The following CLSTN2 variants were observed in gnomAD, a reference collection of about 807,000 sequenced individuals.
The protein encoded by CLSTN2 is calsyntenin 2.
A neutral mutation model predicts 101.2 loss-of-function variants in CLSTN2; 48 were observed. The observed-to-expected ratio is 0.47, with a 90% CI of 0.38 to 0.60. CLSTN2 has a LOEUF of 0.60. CLSTN2 is among the 20% of genes least tolerant of loss of function. CLSTN2 has a pLI of 0.00. For missense variants in CLSTN2, 1,160 were observed against 1,238.2 expected (o/e 0.94, Z 0.95); for synonymous variants, 481 against 463.6 (o/e 1.04, Z -0.48).
At position 140,276,210 on chromosome 3, in the gene CLSTN2, T is replaced by C. The variant is rs557861537; in HGVS notation, c.232+100137T>C. Among the ~76,000 whole-genome samples the C allele has an allele frequency of 7.8e-4, 119 of 152,326 alleles. 2 individuals are homozygous for C. Among genetic ancestry groups the C allele is most frequent in the Admixed American group, 2.2e-3 (34 of 15,310 alleles). ...TGTGAAAGGTAGAGGCTGTTGCTAG[T>C]GTCTGGAGAACCAGCCAACTGACAA... On this transcript the variant is annotated intron_variant, in intron 2 of 16. Coordinates refer to ENST00000458420, the MANE Select transcript of CLSTN2 (RefSeq NM_022131.3).
chr3:140,368,472 A>G (rs1175070735), intron 2 of CLSTN2, among the ~76,000 whole-genome samples: 1 of 152,156 alleles, frequency 6.6e-6, no homozygotes, highest in African/African-American at 2.4e-5. Flanking sequence ...AAATGGCCCC[A>G]TCATCACAGC....
chr3:139,962,233 T>C (rs1006114405), intron 1 of CLSTN2, among the ~76,000 whole-genome samples: 4 of 152,202 alleles, frequency 2.6e-5, no homozygotes, highest in African/African-American at 9.6e-5. Flanking sequence ...TGTATTCCTA[T>C]TTATATTGTT....
intron 1 of CLSTN2, among the ~76,000 whole-genome samples, chr3:139,992,088 T>A (rs937656371): frequency 1.3e-5 from 2 of 152,110 alleles, no homozygotes; most frequent in African/African-American, 4.8e-5. Flanking sequence ...ACTAGAGGAA[T>A]GGAAATCGAC....
At chr3:140,559,429 TTTAAG>T (rs1576626950) in intron 12 of CLSTN2, among the ~76,000 whole-genome samples, 1 of 152,276 alleles carries the variant, frequency 6.6e-6, no homozygotes, top group Admixed American at 6.5e-5. Flanking sequence ...TCAGGAAACT[TTTAAG>T]TTGTTATTTC....
intron 1 of CLSTN2, among the ~76,000 whole-genome samples, chr3:140,050,798 G>A (rs924060386): frequency 3.9e-5 from 6 of 152,194 alleles, no homozygotes; most frequent in Admixed American, 3.9e-4. Context: ...GGCAAGATGG[G>A]AAAATAGCAA....
At chr3:140,554,806 G>A (rs533698619) in intron 10 of CLSTN2, among the ~76,000 whole-genome samples, 3 of 152,046 alleles carry the variant, frequency 2.0e-5, no homozygotes, top group African/African-American at 7.2e-5. Context: ...TACTAAAAAA[G>A]AATAAGGAAG....
intron 1 of CLSTN2, among the ~76,000 whole-genome samples, chr3:140,113,566 A>T (rs968626214): frequency 6.6e-6 from 1 of 152,204 alleles, no homozygotes; most frequent in African/African-American, 2.4e-5. Flanking sequence ...AACACCATTT[A>T]CAACAGTGAG....
At chr3:140,498,356 G>C (rs1280474613) in intron 8 of CLSTN2, among the ~76,000 whole-genome samples, 1 of 152,170 alleles carries the variant, frequency 6.6e-6, no homozygotes, top group Non-Finnish European at 1.5e-5. Flanking sequence ...CCCTAATGGA[G>C]TGAGGTGCTG....
chr3:140,095,002 A>G (rs528253149), intron 1 of CLSTN2, among the ~76,000 whole-genome samples: 1 of 152,310 alleles, frequency 6.6e-6, no homozygotes, highest in South Asian at 2.1e-4. Context: ...TAAGACCAAG[A>G]CTGATTATAG....
intron 2 of CLSTN2, among the ~76,000 whole-genome samples, chr3:140,367,601 T>C (rs555948020): frequency 1.3e-5 from 2 of 152,198 alleles, no homozygotes; most frequent in East Asian, 3.9e-4. Flanking sequence ...CTAGAAGCTA[T>C]TTTACTTCTA....
chr3:140,326,883 A>G (rs2087336481), intron 2 of CLSTN2, among the ~76,000 whole-genome samples: 1 of 152,220 alleles, frequency 6.6e-6, no homozygotes, highest in Non-Finnish European at 1.5e-5. Context: ...TTTAAGAGTG[A>G]AAGGTCGACT....
intron 2 of CLSTN2, among the ~76,000 whole-genome samples, chr3:140,379,124 AAAGAGCTCCCACATTCTGG>A (rs1337364568): frequency 6.6e-6 from 1 of 152,188 alleles, no homozygotes; most frequent in Non-Finnish European, 1.5e-5. Context: ...TTCAAACCCC[AAAGAGCTCCCACATTCTGG>A]AAGAATGAAG....
chr3:140,164,388 C>A (rs1351775846), intron 1 of CLSTN2, among the ~76,000 whole-genome samples: 1 of 152,108 alleles, frequency 6.6e-6, no homozygotes, highest in Non-Finnish European at 1.5e-5. Flanking sequence ...AACTGAAAAC[C>A]TTTGCTGGCA....
chr3:140,338,572 C>CCG (rs879532454), intron 2 of CLSTN2, among the ~76,000 whole-genome samples: 2 of 152,158 alleles, frequency 1.3e-5, no homozygotes, highest in Admixed American at 1.3e-4. Flanking sequence ...AGTCCCCCCC[C>CCG]GGCCTCAGTA....
At chr3:140,102,620 G>C (rs1001287049) in intron 1 of CLSTN2, among the ~76,000 whole-genome samples, 3 of 152,220 alleles carry the variant, frequency 2.0e-5, no homozygotes, top group Non-Finnish European at 2.9e-5. Flanking sequence ...GAAAGCCATT[G>C]TCTTCTATGA....
chr3:140,125,581 G>A (rs2009416195), intron 1 of CLSTN2, among the ~76,000 whole-genome samples: 1 of 152,044 alleles, frequency 6.6e-6, no homozygotes. Flanking sequence ...AGGGAGTGTG[G>A]GTGTTTTAAA....
chr3:139,993,422 G>A (rs567325937), intron 1 of CLSTN2, among the ~76,000 whole-genome samples: 12 of 152,200 alleles, frequency 7.9e-5, no homozygotes, highest in Non-Finnish European at 5.9e-5. Context: ...TTCCTAATAC[G>A]TACTGCTTCC....
intron 5 of CLSTN2, among the ~76,000 whole-genome samples, chr3:140,424,003 C>T (rs965260866): frequency 1.3e-5 from 2 of 152,196 alleles, no homozygotes; most frequent in African/African-American, 2.4e-5. Flanking sequence ...AGGAGAAGCA[C>T]CCCTCTGCAC....
rs776165800 is a variant in CLSTN2, at chr3:140,564,039, G to A, written c.2561G>A (p.Arg854Gln). Residue 854 changes from arginine to glutamine, a missense_variant, in exon 16 of 17, where the codon CGG becomes CAG. Physicochemically the swap from Arg to Gln is conservative, Grantham distance 43. Transcript: ENST00000458420. ...TTTGTCGTGGCCATGGGTGTGTACC[G>A]GGTCCGGATCGCCCACCAGCACTTC... ...LVFVVAMGVY[R>Q]VRIAHQHFIQ... The A allele has an allele frequency of 4.0e-5, 64 of 1,614,070 alleles. No homozygotes were observed. Among genetic ancestry groups the A allele is most frequent in the Middle Eastern group, 1.6e-4 (1 of 6,062 alleles).
Sources: gnomAD v4.1 joint callset for allele counts (sites outside exome capture counted in the v4.1 genomes callset) on GRCh38, gnomAD v4.1.1 for gene constraint, MANE v1.5 for transcripts, NCBI Gene and HGNC (gene_info 2026-07-23, HGNC 2026-07-21) for gene names.